The following MOCS1 variants were observed in gnomAD, a reference collection of about 807,000 sequenced individuals.
MOCS1 encodes molybdenum cofactor biosynthesis protein 1.
In MOCS1, 39 loss-of-function variants were observed where a neutral mutation model predicts 57.6. The observed-to-expected ratio is 0.68, with a 90% confidence interval of 0.52 to 0.88. MOCS1 has a LOEUF of 0.88. Ranked by LOEUF, MOCS1 falls within the 40% of genes least tolerant of loss-of-function variation. The pLI, the probability that MOCS1 is intolerant of heterozygous loss-of-function variation, is 0.00. For synonymous variants in MOCS1, 334 were observed against 335.7 expected (o/e 1.00, Z 0.05); for missense variants, 795 against 831.1 (o/e 0.96, Z 0.53).
In MOCS1 at chr6:39,913,434, C is replaced by T. The variant is rs764778534; in HGVS notation, c.646-6G>A. On this transcript the variant is annotated splice_region_variant and splice_polypyrimidine_tract_variant and intron_variant, in intron 5 of 10. Transcript: ENST00000340692. ...CGCATCACCACACAGTTCACCTGGC[C>T]GGGGAACAATGGGACCATGAGGGCT... 3.9e-5 allele frequency: 63 copies of T among 1,613,142 alleles called. No homozygotes were observed. Among genetic ancestry groups the T allele is most frequent in the Non-Finnish European group, 5.0e-5 (59 of 1,179,230 alleles).
At position 39,927,734 on chromosome 6, in the gene MOCS1, G is replaced by A. The variant is rs1172178264; in HGVS notation, c.124-279C>T. On this transcript the variant is annotated intron_variant, in intron 1 of 10. Transcript: ENST00000340692. ...TTTCTGGCTGGGCAGCAAGGTGGAG[G>A]CAAGGGTGTGGGGAAATCTATTAGC... is the stretch of plus-strand genomic sequence containing the variant. 4 of 1,521,120 alleles carry A rather than the reference G, an allele frequency of 2.6e-6. No homozygotes were observed. In the East Asian group the frequency reaches 9.8e-5, roughly 37 times the overall value. The allele number at this position is 1,521,120 out of a possible 1,614,324, so 94.2% of individuals were successfully genotyped here.
chr6:39,933,396 G>C (rs767079365), intron 1 of MOCS1, among the ~76,000 whole-genome samples: 3 of 152,146 alleles, frequency 2.0e-5, no homozygotes, highest in Non-Finnish European at 4.4e-5. Context: ...GAGGATCCCA[G>C]AGGGGCTTAG....
intron 3 of MOCS1, among the ~76,000 whole-genome samples, chr6:39,924,036 C>T (rs772428729): frequency 6.6e-6 from 1 of 152,176 alleles, no homozygotes; most frequent in Non-Finnish European, 1.5e-5. Context: ...ACCTCATAGC[C>T]CCGATTTCAT....
intron 10 of MOCS1, among the ~76,000 whole-genome samples, chr6:39,908,159 T>G (rs1038911763): frequency 6.6e-6 from 1 of 152,234 alleles, no homozygotes; most frequent in African/African-American, 2.4e-5. Flanking sequence ...GGGCAGCCAG[T>G]GGGCAAAGAT....
rs192141515 is a variant in MOCS1, at chr6:39,905,367, A to G, written c.*990T>C. The G allele has an allele frequency of 1.4e-3, 629 of 462,456 alleles. 5 individuals are homozygous for G. Among genetic ancestry groups the G allele is most frequent in the African/African-American group, 0.012 (583 of 50,176 alleles). 28.6% of individuals were successfully genotyped at this position (462,456 alleles called of 1,614,324 possible). On this transcript the variant is annotated 3_prime_UTR_variant, in exon 11 of 11. Coordinates refer to ENST00000340692, the MANE Select transcript of MOCS1 (RefSeq NM_001358530.2). ...ATTTTCCCATAGCGGGGCTATACAG[A>G]GAGTACACCCTTAGGCCTTTCCAGG...
At chr6:39,929,130 C>T (rs1355022076) in intron 1 of MOCS1, among the ~76,000 whole-genome samples, 2 of 152,102 alleles carry the variant, frequency 1.3e-5, no homozygotes, top group African/African-American at 4.8e-5. Context: ...GCCCATAAAA[C>T]ATTCCTCACT....
At chr6:39,931,034 T>A (rs977037093) in intron 1 of MOCS1, among the ~76,000 whole-genome samples, 2 of 152,206 alleles carry the variant, frequency 1.3e-5, no homozygotes, top group Non-Finnish European at 2.9e-5. Context: ...ACCCTGGCCT[T>A]CCAACCCTAC....
Position 39,906,373 on chromosome 6 carries a change from T to C in MOCS1, c.1895A>G (p.Asp632Gly). ...GGGCAGGTGCTAAGCCCGATGGAAGTCCCCCCGCTGACCACCAGTCTTGCT... is the reference window on the plus strand; with the variant it reads ...GGGCAGGTGCTAAGCCCGATGGAAGCCCCCCCGCTGACCACCAGTCTTGCT... Reference protein sequence around the residue: ...LISKTGGQRGDFHRA With the variant: ...LISKTGGQRGGFHRA Residue 632 changes from aspartate to glycine, a missense_variant, in exon 11 of 11, where the codon GAC (aspartate) becomes GGC (glycine). Physicochemically the swap from Asp to Gly is moderately conservative, Grantham distance 94. Transcript: ENST00000340692. The C allele has an allele frequency of 1.3e-6, 2 of 1,595,522 alleles. No homozygotes were observed. The highest frequency in any genetic ancestry group is 1.1e-5 in the South Asian group (1 of 89,436).
chr6:39,924,281 G>A (rs9689513), intron 3 of MOCS1, among the ~76,000 whole-genome samples: 46,389 of 152,068 alleles, frequency 0.31, 7,476 homozygotes, highest in African/African-American at 0.41. Flanking sequence ...TGGAGACTCA[G>A]ATAGGAATAT....
At chr6:39,926,309 C>T (rs1768297945) in intron 2 of MOCS1, among the ~76,000 whole-genome samples, 1 of 152,142 alleles carries the variant, frequency 6.6e-6, no homozygotes, top group African/African-American at 2.4e-5. Flanking sequence ...AGCTGCCGTC[C>T]TCTGTAGCTA....
At position 39,906,979 on chromosome 6, in the gene MOCS1, G is replaced by C. The variant is rs1157363949; in HGVS notation, c.1289C>G (p.Pro430Arg). ...VATLWKGCRV[P>R]QTPPLAQQRL... ...CTGCTGGGCTAGAGGAGGGGTCTGG[G>C]GGACCCTGCATCCTTTCCATAAAGT... is the stretch of plus-strand genomic sequence containing the variant. Residue 430 changes from proline to arginine, a missense_variant, in exon 11 of 11, where the codon CCC becomes CGC. This residue lies in a region of MOCS1 where 374 missense variants were observed against 422.6 expected (regional missense o/e 0.89). Coordinates refer to ENST00000340692, the MANE Select transcript of MOCS1 (RefSeq NM_001358530.2). 1 of 1,614,082 alleles carries C rather than the reference G, an allele frequency of 6.2e-7. No homozygotes were observed.
chr6:39,921,055 T>G (rs1582825013), intron 3 of MOCS1, among the ~76,000 whole-genome samples: 2 of 146,150 alleles, frequency 1.4e-5, no homozygotes, highest in South Asian at 2.2e-4. Context: ...TAGGTGGCAG[T>G]GGGGTGGGGG....
chr6:39,933,756 G>A (rs931256356), intron 1 of MOCS1, among the ~76,000 whole-genome samples: 10 of 152,012 alleles, frequency 6.6e-5, no homozygotes, highest in African/African-American at 2.4e-4. Context: ...CTAGGATAAG[G>A]CTGAACCCTC....
intron 3 of MOCS1, among the ~76,000 whole-genome samples, chr6:39,918,842 A>C: frequency 6.6e-6 from 1 of 152,254 alleles, no homozygotes; most frequent in South Asian, 2.1e-4. Context: ...CTTTTGTAAA[A>C]AAAAAAAATA....
intron 1 of MOCS1, chr6:39,932,389 G>A (rs1768688465): frequency 6.6e-6 from 1 of 152,214 alleles, no homozygotes; most frequent in South Asian, 2.1e-4. Context: ...TTATAAACAT[G>A]AAGCAAAGGG....
At position 39,927,314 on chromosome 6, in the gene MOCS1, A is replaced by G; in HGVS notation, c.250+15T>C. 1.2e-6 allele frequency: 2 copies of G among 1,609,360 alleles called. No homozygotes were observed. The highest frequency in any genetic ancestry group is 1.7e-6 in the Non-Finnish European group (2 of 1,178,016). On this transcript the variant is annotated intron_variant, in intron 2 of 10. Transcript: ENST00000340692. The stretch of plus-strand genomic sequence containing the variant: ...ATGGACACCAGCCCAGAGAGGGCCC[A>G]GGAAGGTGACTCACATCTGAGGTTG...
At chr6:39,912,671 T>C (rs1220210676) in intron 7 of MOCS1, among the ~76,000 whole-genome samples, 1 of 151,910 alleles carries the variant, frequency 6.6e-6, no homozygotes, top group Non-Finnish European at 1.5e-5. Flanking sequence ...CTTCCTGGAG[T>C]GTGTCCTCTG....
chr6:39,929,375 T>C (rs1768525059), intron 1 of MOCS1, among the ~76,000 whole-genome samples: 1 of 151,722 alleles, frequency 6.6e-6, no homozygotes, highest in African/African-American at 2.4e-5. Context: ...GCCACCGGAG[T>C]CCAGATGAGA....
In MOCS1 at chr6:39,905,935, T is replaced by A; in HGVS notation, c.*422A>T. 1 of 467,178 alleles carries A rather than the reference T, an allele frequency of 2.1e-6. No homozygotes were observed. Among genetic ancestry groups the A allele is most frequent in the Non-Finnish European group, 4.3e-6 (1 of 230,108 alleles). The allele number at this position is 467,178 out of a possible 1,614,324, so 28.9% of individuals were successfully genotyped here. A position where few individuals can be genotyped will look rare whatever the true frequency, so the allele number is the denominator to read the frequency against. Reference sequence around the variant, plus strand: ...AGCTTGTGCTTTGCTCTCCTCAAAGTGGGCTCCTCTGCTTAATGAGCGCTT... The same window carrying A: ...AGCTTGTGCTTTGCTCTCCTCAAAGAGGGCTCCTCTGCTTAATGAGCGCTT... On this transcript the variant is annotated 3_prime_UTR_variant, in exon 11 of 11. Transcript: ENST00000340692.
Sources: allele counts gnomAD v4.1 joint callset (sites outside exome capture counted in the v4.1 genomes callset), GRCh38; gene constraint gnomAD v4.1.1; regional missense constraint gnomAD v4.1.1; transcripts MANE v1.5; gene names NCBI Gene and HGNC (gene_info 2026-07-23, HGNC 2026-07-21).